Variants in RRP1B observed in about 807,000 individuals in gnomAD.
The protein encoded by RRP1B is ribosomal RNA processing protein 1 homolog B.
RRP1B carries 56 observed loss-of-function variants against 80.2 expected under a neutral mutation model. The ratio of observed to expected loss-of-function variants is 0.70; its 90% CI spans 0.56 to 0.87. The LOEUF (loss-of-function observed/expected upper bound fraction) is 0.87. Ranked by LOEUF, RRP1B falls within the 40% of genes least tolerant of loss-of-function variation. The pLI is 0.00. For synonymous variants in RRP1B, 351 were observed against 357.6 expected (o/e 0.98, Z 0.21); for missense variants, 807 against 939.8 (o/e 0.86, Z 1.85).
At chr21:43,680,354 T>G (rs2083038564) in intron 8 of RRP1B, among the ~76,000 whole-genome samples, 1 of 151,686 alleles carries the variant, frequency 6.6e-6, no homozygotes, top group Non-Finnish European at 1.5e-5. Flanking sequence ...GGTCAGGAGT[T>G]CGAGACCAGC....
chr21:43,687,036 T>C, intron 12 of RRP1B, 101 bp downstream of exon 12: 1 of 1,282,512 alleles, frequency 7.8e-7, no homozygotes. Context: ...CATAAAGCAT[T>C]AGCAGAGCCC....
Position 43,669,957 on chromosome 21 carries a change from C to T in RRP1B, c.204C>T (p.Pro68=). ...LFYCMWVQDE[P]LLQEELANTI... Reference sequence around the variant, plus strand: ...ACTGCATGTGGGTGCAGGATGAACCCCTTCTACAGGTAACATGCGTTCCCT... The same window carrying T: ...ACTGCATGTGGGTGCAGGATGAACCTCTTCTACAGGTAACATGCGTTCCCT... Residue 68 remains proline (P), a synonymous_variant, in exon 2 of 16, where the codon CCC becomes CCT. Transcript: ENST00000340648. 6.2e-7 allele frequency: 1 copy of T among 1,605,542 alleles called. No individual in the cohort carries two copies. Among genetic ancestry groups the T allele is most frequent in the Non-Finnish European group, 8.5e-7 (1 of 1,173,720 alleles).
Position 43,691,597 on chromosome 21 carries a change from AG to A in RRP1B, c.2083+101del, listed in dbSNP as rs1327414798. 4.0e-6 allele frequency: 4 copies of A among 997,060 alleles called. No individual in the cohort carries two copies. The highest frequency in any genetic ancestry group is 3.8e-5 in the Admixed American group (2 of 52,382). 61.8% of individuals were successfully genotyped at this position (997,060 alleles called of 1,614,324 possible). On this transcript the variant is annotated intron_variant, in intron 15 of 15. Coordinates refer to ENST00000340648, the MANE Select transcript of RRP1B (RefSeq NM_015056.3). The surrounding 1 kb of genome is among the most constrained non-coding windows in gnomAD (Gnocchi z 4.2). ...TGGTTCCACAAGGCGGTCGGGGAAG[AG>A]GGGGGTCCTAGCTCCTCACTGCCCA...
At chr21:43,669,492 C>T (rs896858927) in intron 1 of RRP1B, among the ~76,000 whole-genome samples, 1 of 152,126 alleles carries the variant, frequency 6.6e-6, no homozygotes, top group African/African-American at 2.4e-5. Flanking sequence ...AGGTCCCCCG[C>T]ATCTCTTGTA....
chr21:43,689,831 GTC>G (rs1008342165), intron 13 of RRP1B, among the ~76,000 whole-genome samples: 3 of 152,260 alleles, frequency 2.0e-5, no homozygotes, highest in African/African-American at 4.8e-5. Context: ...ACGAGACCCG[GTC>G]TCTCTCTGGG....
intron 5 of RRP1B, 122 bp from the exon 6 acceptor site, chr21:43,674,912 A>T (rs1198689192): frequency 1.1e-5 from 15 of 1,338,900 alleles, no homozygotes; most frequent in Non-Finnish European, 1.4e-5. Flanking sequence ...TTGTAAAATG[A>T]TTTCAGCCTT....
chr21:43,686,868 C>T lies in RRP1B; in HGVS notation c.1074C>T (p.Leu358=), dbSNP rs146069653. Residue 358 remains leucine (L), a synonymous_variant, in exon 12 of 16, where the codon CTC becomes CTT. Coordinates refer to ENST00000340648, the MANE Select transcript of RRP1B (RefSeq NM_015056.3). The stretch of plus-strand genomic sequence containing the variant: ...CTGCTGATGAAGATGACCAAATCCT[C>T]AGTCAAGGAAAGCATAAGAAGAAAG... ...DISADEDDQI[L]SQGKHKKKGN... 119 of 1,613,806 alleles carry T rather than the reference C, an allele frequency of 7.4e-5. No homozygotes were observed. The highest frequency in any genetic ancestry group is 9.2e-5 in the Non-Finnish European group (108 of 1,179,892).
In RRP1B at chr21:43,687,996, C is replaced by A. The variant is rs770981777; in HGVS notation, c.1622C>A (p.Ala541Asp). The A allele has an allele frequency of 5.6e-6, 9 of 1,612,668 alleles. No homozygotes were observed. The highest frequency in any genetic ancestry group is 7.6e-6 in the Non-Finnish European group (9 of 1,179,772). Reference protein sequence around the residue: ...PVNGSGLSTPAWPPLQQEGPP... With the variant: ...PVNGSGLSTPDWPPLQQEGPP... ...AATGGCAGTGGCCTGTCCACGCCGG[C>A]CTGGCCTCCATTGCAGCAGGAAGGC... is the stretch of plus-strand genomic sequence containing the variant. The change falls in exon 13 of 16, where the codon GCC becomes GAC. Residue 541 changes from alanine (A) to aspartate (D), a missense_variant. Physicochemically the swap from Ala to Asp is moderately radical, Grantham distance 126. Transcript: ENST00000340648.
chr21:43,660,522 A>G (rs1276120136), intron 1 of RRP1B, among the ~76,000 whole-genome samples: 1 of 152,234 alleles, frequency 6.6e-6, no homozygotes, highest in Non-Finnish European at 1.5e-5. Context: ...AGATCGCAGC[A>G]TTGCACTCCG....
intron 3 of RRP1B, among the ~76,000 whole-genome samples, chr21:43,673,075 T>G (rs1568956129): frequency 6.6e-6 from 1 of 152,242 alleles, no homozygotes; most frequent in East Asian, 1.9e-4. Context: ...ATTCAGTGTT[T>G]TGTACCGTAG....
intron 13 of RRP1B, 38 bp downstream of exon 13, chr21:43,688,278 G>A: frequency 6.7e-7 from 1 of 1,488,462 alleles, no homozygotes; most frequent in Non-Finnish European, 9.0e-7. Flanking sequence ...TCGCCACAGA[G>A]GCACTCACTC....
intron 8 of RRP1B, among the ~76,000 whole-genome samples, chr21:43,681,056 A>G (rs940119400): frequency 6.6e-6 from 1 of 152,072 alleles, no homozygotes; most frequent in Non-Finnish European, 1.5e-5. Flanking sequence ...CCTGGCCAAC[A>G]TGGTGAAACC....
At chr21:43,670,401 C>T (rs745580882) in intron 2 of RRP1B, among the ~76,000 whole-genome samples, 2 of 152,256 alleles carry the variant, frequency 1.3e-5, no homozygotes, top group Admixed American at 6.5e-5. Context: ...CGAAAGCCTC[C>T]CTGTTAAAGC....
intron 2 of RRP1B, among the ~76,000 whole-genome samples, chr21:43,671,508 C>G (rs1206836333): frequency 6.6e-6 from 1 of 151,880 alleles, no homozygotes; most frequent in Admixed American, 6.6e-5. Context: ...GCTGGGACTA[C>G]AGGTGCACGC....
At position 43,687,506 on chromosome 21, in the gene RRP1B, G is replaced by A. The variant is rs759571279; in HGVS notation, c.1142-10G>A. ...ACTGGGTGCTTGTTGATGGGTTTCT[G>A]TCTTTTTAGGAAGCAGAGTCTTTTG... On this transcript the variant is annotated splice_polypyrimidine_tract_variant and intron_variant, in intron 12 of 15. Transcript: ENST00000340648. 4 of 1,478,694 alleles carry A rather than the reference G, an allele frequency of 2.7e-6. No individual in the cohort carries two copies. In the East Asian group the frequency reaches 9.2e-5, roughly 34 times the overall value. The allele number at this position is 1,478,694 out of a possible 1,614,324, so 91.6% of individuals were successfully genotyped here.
intron 1 of RRP1B, among the ~76,000 whole-genome samples, chr21:43,664,839 C>T (rs2082972223): frequency 6.6e-6 from 1 of 152,146 alleles, no homozygotes; most frequent in South Asian, 2.1e-4. Flanking sequence ...TGCAGGAGAG[C>T]TCCCCTTTAT....
intron 14 of RRP1B, among the ~76,000 whole-genome samples, chr21:43,690,975 C>T (rs1046953631): frequency 3.3e-5 from 5 of 152,172 alleles, no homozygotes; most frequent in South Asian, 2.1e-4. Context: ...TCATAGGCAT[C>T]GTCTCATCGA....
In RRP1B at chr21:43,693,409, A is replaced by G; in HGVS notation, c.*26A>G. On this transcript the variant is annotated 3_prime_UTR_variant, in exon 16 of 16. Coordinates refer to ENST00000340648, the MANE Select transcript of RRP1B (RefSeq NM_015056.3). The surrounding 1 kb of genome is among the most constrained non-coding windows in gnomAD (Gnocchi z 4.1). ...GGAGCAGCAGAGTCCCTTGTAAAAG[A>G]CTGCTTTTGTACAGAATGCGCTATA... is the stretch of plus-strand genomic sequence containing the variant. 1 of 1,513,210 alleles carries G rather than the reference A, an allele frequency of 6.6e-7. No individual in the cohort carries two copies. Among genetic ancestry groups the G allele is most frequent in the Non-Finnish European group, 8.8e-7 (1 of 1,131,430 alleles). The allele number at this position is 1,513,210 out of a possible 1,614,324, so 93.7% of individuals were successfully genotyped here. A position where few individuals can be genotyped will look rare whatever the true frequency, so the allele number is the denominator to read the frequency against.
intron 8 of RRP1B, among the ~76,000 whole-genome samples, chr21:43,681,727 G>A (rs534460399): frequency 6.6e-6 from 1 of 152,354 alleles, no homozygotes; most frequent in East Asian, 1.9e-4. Flanking sequence ...TGAGGTGGGA[G>A]GATCACTTGA....
Sources: allele counts gnomAD v4.1 joint callset (sites outside exome capture counted in the v4.1 genomes callset), GRCh38; gene constraint gnomAD v4.1.1; non-coding constraint Gnocchi (gnomAD v3.1); transcripts MANE v1.5; gene names NCBI Gene and HGNC (gene_info 2026-07-23, HGNC 2026-07-21).